STK38L: variants seen among roughly 807,000 people sequenced by gnomAD.
STK38L encodes the protein serine/threonine-protein kinase 38-like.
In STK38L, 28 loss-of-function variants were observed where a neutral mutation model predicts 59.7. The ratio of observed to expected loss-of-function variants is 0.47; its 90% CI spans 0.35 to 0.64. The LOEUF (loss-of-function observed/expected upper bound fraction) is 0.64, where lower values mean the gene tolerates loss of function less well. Among genes scored for constraint, STK38L ranks in the 30% least tolerant of loss-of-function variants. STK38L has a pLI of 0.01. For missense variants in STK38L, 314 were observed against 555.8 expected (o/e 0.56, Z 4.37); for synonymous variants, 162 against 176.8 (o/e 0.92, Z 0.66).
At chr12:27,298,474 T>G (rs986281743) in intron 2 of STK38L, 4 of 152,180 alleles carry the variant, frequency 2.6e-5, no homozygotes, top group Admixed American at 2.0e-4. Context: ...TGACTGACTT[T>G]AATCCAAAAG....
intron 1 of STK38L, among the ~76,000 whole-genome samples, chr12:27,296,478 A>G (rs543580681): frequency 6.6e-6 from 1 of 152,340 alleles, no homozygotes; most frequent in South Asian, 2.1e-4. Flanking sequence ...TTCAACCTAC[A>G]CTTGACTTGC....
intron 3 of STK38L, among the ~76,000 whole-genome samples, chr12:27,307,249 T>C (rs1323207618): frequency 6.6e-6 from 1 of 152,270 alleles, no homozygotes; most frequent in African/African-American, 2.4e-5. Flanking sequence ...TGTGCCTTAG[T>C]GTATAACTTC....
Position 27,302,266 on chromosome 12 carries a change from A to G in STK38L, c.186+78A>G, listed in dbSNP as rs887107104. 3.6e-6 allele frequency: 4 copies of G among 1,095,924 alleles called. No individual in the cohort carries two copies. The Admixed American group carries it at 1.0e-4, about 28-fold the overall frequency. 67.9% of individuals were successfully genotyped at this position (1,095,924 alleles called of 1,614,324 possible). ...TTCATTTGACATCAGGTATTTTATA[A>G]CTTAAATAATGTGGATTTTATCATT... is the stretch of plus-strand genomic sequence containing the variant. On this transcript the variant is annotated intron_variant, in intron 3 of 13. Transcript: ENST00000389032.
intron 6 of STK38L, 102 bp downstream of exon 6, chr12:27,312,774 G>T: frequency 7.3e-7 from 1 of 1,376,756 alleles, no homozygotes; most frequent in Non-Finnish European, 9.9e-7. Flanking sequence ...TTTGCTCTGA[G>T]GCTTTACATA....
chr12:27,289,531 A>G (rs1943851009), intron 1 of STK38L, among the ~76,000 whole-genome samples: 1 of 152,252 alleles, frequency 6.6e-6, no homozygotes, highest in South Asian at 2.1e-4. Flanking sequence ...TGAAAATGCT[A>G]ATGTTGAGTT....
rs1189674005 is a variant in STK38L at position 27,308,917 on chromosome 12, T to TA, written c.310-197_310-196insA. Among the ~76,000 whole-genome samples, 51 of 144,962 alleles carry TA rather than the reference T, an allele frequency of 3.5e-4. 1 individual carries two copies. The highest frequency in any genetic ancestry group is 1.2e-3 in the African/African-American group (49 of 39,562). On this transcript the variant is annotated intron_variant, in intron 4 of 13. Transcript: ENST00000389032. This position sits in a 1 kb window ranked among gnomAD's most constrained non-coding sequence, Gnocchi z 4.5. ...ATATATAAATATATATAAATATATA[T>TA]TAATATATATAAAATATATATAAAT...
At chr12:27,294,779 C>T (rs923331276) in intron 1 of STK38L, among the ~76,000 whole-genome samples, 1 of 150,734 alleles carries the variant, frequency 6.6e-6, no homozygotes, top group Non-Finnish European at 1.5e-5. Flanking sequence ...GTGGTTCAAT[C>T]GCAGCTCATT....
chr12:27,317,564 ATTC>A, intron 10 of STK38L, 111 bp downstream of exon 10: 2 of 900,758 alleles, frequency 2.2e-6, no homozygotes, highest in South Asian at 3.3e-5. Flanking sequence ...TTTAAGCTTA[ATTC>A]TGATGTTCCC....
intron 2 of STK38L, chr12:27,298,447 A>G (rs1189918179): frequency 6.6e-6 from 1 of 152,336 alleles, no homozygotes; most frequent in African/African-American, 2.4e-5. Context: ...GTCTCAAAAA[A>G]AAAGATGCTT....
chr12:27,252,070 C>T (rs1180160224), intron 1 of STK38L, among the ~76,000 whole-genome samples: 1 of 152,124 alleles, frequency 6.6e-6, no homozygotes, highest in African/African-American at 2.4e-5. Flanking sequence ...AGCTCTGCCT[C>T]CCGGGTTCAC....
intron 1 of STK38L, among the ~76,000 whole-genome samples, chr12:27,255,004 T>C (rs1331707217): frequency 6.6e-6 from 1 of 152,254 alleles, no homozygotes; most frequent in Non-Finnish European, 1.5e-5. Context: ...ATTTTTAAAA[T>C]TGTATATGGA....
intron 3 of STK38L, among the ~76,000 whole-genome samples, chr12:27,307,198 T>C (rs890060599): frequency 1.3e-5 from 2 of 152,250 alleles, no homozygotes; most frequent in Admixed American, 1.3e-4. Context: ...ATTTGTGTAC[T>C]TGATTTTTAT....
chr12:27,282,996 A>G (rs981075059), intron 1 of STK38L, among the ~76,000 whole-genome samples: 9 of 152,222 alleles, frequency 5.9e-5, no homozygotes, highest in African/African-American at 1.7e-4. Flanking sequence ...AGAGTGACAC[A>G]TGGTTTCTAA....
intron 1 of STK38L, among the ~76,000 whole-genome samples, chr12:27,284,974 T>G (rs1943739733): frequency 6.6e-6 from 1 of 152,236 alleles, no homozygotes; most frequent in Non-Finnish European, 1.5e-5. Flanking sequence ...CTGCTTTTAG[T>G]TGGGAACAGT....
At chr12:27,248,119 C>T (rs1351731744) in intron 1 of STK38L, among the ~76,000 whole-genome samples, 1 of 152,132 alleles carries the variant, frequency 6.6e-6, no homozygotes, top group African/African-American at 2.4e-5. Flanking sequence ...CAGCCCTGTT[C>T]TATAATTTTT....
At chr12:27,300,537 CTG>C (rs758590477) in intron 2 of STK38L, 64 of 455,936 alleles carry the variant, frequency 1.4e-4, no homozygotes, top group Non-Finnish European at 2.3e-4. Flanking sequence ...CTCTTACTCT[CTG>C]GATTCTTTCT....
intron 1 of STK38L, among the ~76,000 whole-genome samples, chr12:27,269,832 G>A (rs1476231041): frequency 7.2e-5 from 11 of 151,906 alleles, no homozygotes; most frequent in Admixed American, 2.6e-4. Flanking sequence ...TAGTAGAGAC[G>A]TTGTTTCGCC....
chr12:27,301,555 C>T (rs984937238), intron 2 of STK38L, among the ~76,000 whole-genome samples: 5 of 152,280 alleles, frequency 3.3e-5, no homozygotes, highest in Admixed American at 2.0e-4. Flanking sequence ...CCACCGCACC[C>T]GGCCGCTGGT....
intron 1 of STK38L, among the ~76,000 whole-genome samples, chr12:27,270,936 G>T (rs1419601514): frequency 2.6e-5 from 4 of 152,136 alleles, no homozygotes; most frequent in African/African-American, 4.8e-5. Flanking sequence ...TTATCTTTTG[G>T]TAGATTTTTC....
Sources: gnomAD v4.1 joint callset for allele counts (sites outside exome capture counted in the v4.1 genomes callset) on GRCh38, gnomAD v4.1.1 for gene constraint, Gnocchi (gnomAD v3.1) non-coding constraint, MANE v1.5 for transcripts, NCBI Gene and HGNC (gene_info 2026-07-23, HGNC 2026-07-21) for gene names.